Variants in ANKMY2 observed in about 807,000 individuals in gnomAD.
ANKMY2 encodes ankyrin repeat and MYND domain containing 2.
ANKMY2 carries 36 observed loss-of-function variants against 50.4 expected under a neutral mutation model. The ratio of observed to expected loss-of-function variants is 0.71; its 90% CI spans 0.55 to 0.94. The LOEUF is 0.94. Among genes scored for constraint, ANKMY2 ranks in the 40% least tolerant of loss-of-function variants. The pLI, the probability that ANKMY2 is intolerant of heterozygous loss-of-function variation, is 0.00. For missense variants in ANKMY2, 565 were observed against 524.0 expected, an observed-to-expected ratio of 1.08 and a Z score of -0.76; for synonymous variants, 187 against 178.8, an observed-to-expected ratio of 1.05 and a Z score of -0.36.
chr7:16,636,164 G>T lies in ANKMY2; in HGVS notation c.132+227C>A, dbSNP rs1344536950. On this transcript the variant is annotated intron_variant, in intron 2 of 9. Transcript: ENST00000306999. ...CTAAAAATAGAAAAATTACTCAGGA[G>T]TGGTGGTGGGTGACTGTAATCCCAG... Among the ~76,000 whole-genome samples, 5 of 151,768 alleles carry T rather than the reference G, an allele frequency of 3.3e-5. No individual in the cohort carries two copies. The East Asian group carries it at 9.7e-4, about 29-fold the overall frequency.
rs751489705 is a variant in ANKMY2 at position 16,645,533 on chromosome 7, T to C, written c.41A>G (p.Lys14Arg). The change falls in exon 1 of 10, where the codon AAG becomes AGG. Residue 14 changes from lysine (K) to arginine (R), a missense_variant. Transcript: ENST00000306999. Reference sequence around the variant, plus strand: ...TTTCCCGATGACTTCCAGTAGCTCCTTCTCCTCCTGGGTCAGCTCGCCTTT... The same window carrying C: ...TTTCCCGATGACTTCCAGTAGCTCCCTCTCCTCCTGGGTCAGCTCGCCTTT... ...IKKGELTQEE[K>R]ELLEVIGKGT... is the part of the protein sequence containing the mutation. The C allele has an allele frequency of 2.5e-6, 4 of 1,612,090 alleles. No homozygotes were observed. Among genetic ancestry groups the C allele is most frequent in the Non-Finnish European group, 3.4e-6 (4 of 1,179,010 alleles).
intron 2 of ANKMY2, among the ~76,000 whole-genome samples, chr7:16,628,806 A>C (rs1781540257): frequency 6.6e-6 from 1 of 152,134 alleles, no homozygotes; most frequent in Non-Finnish European, 1.5e-5. Flanking sequence ...CTGTTTATCC[A>C]GAACAGGTGG....
Position 16,604,799 on chromosome 7 carries a change from C to A in ANKMY2, c.933G>T (p.Gln311His). ...FSVLTQAITG[Q>H]VGFVDVEFCT... ...AAAATTCCACATCCACAAAACCCACCTGGCCAGTGATGGCTTGGGTAAGGA... is the reference window on the plus strand; with the variant it reads ...AAAATTCCACATCCACAAAACCCACATGGCCAGTGATGGCTTGGGTAAGGA... Residue 311 changes from glutamine (Q) to histidine (H), a missense_variant, in exon 8 of 10, where the codon CAG becomes CAT. Transcript: ENST00000306999. 6.2e-7 allele frequency: 1 copy of A among 1,614,088 alleles called. No individual in the cohort carries two copies. The highest frequency in any genetic ancestry group is 8.5e-7 in the Non-Finnish European group (1 of 1,179,970).
At chr7:16,607,608 C>A (rs886800189) in intron 7 of ANKMY2, among the ~76,000 whole-genome samples, 3 of 150,880 alleles carry the variant, frequency 2.0e-5, no homozygotes, top group Non-Finnish European at 4.4e-5. Flanking sequence ...TCTATAAACT[C>A]TAATTACATT....
chr7:16,630,738 T>C (rs532744246), intron 2 of ANKMY2, among the ~76,000 whole-genome samples: 1 of 152,224 alleles, frequency 6.6e-6, no homozygotes, highest in East Asian at 1.9e-4. Flanking sequence ...AAAATAACAT[T>C]AAGCAAAGGA....
rs1436822864 is a variant in ANKMY2, at chr7:16,599,918, T to C, written c.*843A>G. Reference sequence around the variant, plus strand: ...GACGCCAGGACATTCTCTAAATGAGTTACAAATCAGTTTCTGGAAAGGAAG... The same window carrying C: ...GACGCCAGGACATTCTCTAAATGAGCTACAAATCAGTTTCTGGAAAGGAAG... On this transcript the variant is annotated 3_prime_UTR_variant, in exon 10 of 10. Coordinates refer to ENST00000306999, the MANE Select transcript of ANKMY2 (RefSeq NM_020319.3). 2.6e-5 allele frequency: 4 copies of C among 152,186 alleles called. No individual in the cohort carries two copies. Among genetic ancestry groups the C allele is most frequent in the Admixed American group, 6.5e-5 (1 of 15,276 alleles). 9.4% of individuals were successfully genotyped at this position (152,186 alleles called of 1,614,324 possible). A position where few individuals can be genotyped will look rare whatever the true frequency, so the allele number is the denominator to read the frequency against.
At chr7:16,621,054 G>A (rs1180085143) in intron 4 of ANKMY2, among the ~76,000 whole-genome samples, 2 of 152,032 alleles carry the variant, frequency 1.3e-5, no homozygotes, top group African/African-American at 4.8e-5. Context: ...TTGGCCCGAA[G>A]CAAATTCAAA....
rs1342245689 is a variant in ANKMY2 at position 16,627,062 on chromosome 7, G to A, written c.249C>T (p.Ala83=). ...CACCAGAAAGTGCAGCAAACATGAG[G>A]GCTGTGTATCCATGTTCATGCTGAT... ...NCHQHEHGYT[A]LMFAALSGNK... is the part of the protein sequence containing the mutation. Residue 83 remains alanine (A), a synonymous_variant, in exon 3 of 10, where the codon GCC becomes GCT. Coordinates refer to ENST00000306999, the MANE Select transcript of ANKMY2 (RefSeq NM_020319.3). 4 of 1,606,646 alleles carry A rather than the reference G, an allele frequency of 2.5e-6. No individual in the cohort carries two copies. Among genetic ancestry groups the A allele is most frequent in the Admixed American group, 1.7e-5 (1 of 58,578 alleles).
chr7:16,630,963 C>T (rs1781574071), intron 2 of ANKMY2, among the ~76,000 whole-genome samples: 1 of 152,208 alleles, frequency 6.6e-6, no homozygotes, highest in Non-Finnish European at 1.5e-5. Context: ...AGTCTGTCTG[C>T]AGCCCACTCA....
intron 1 of ANKMY2, among the ~76,000 whole-genome samples, chr7:16,641,094 C>T (rs371877446): frequency 1.2e-4 from 18 of 152,102 alleles, no homozygotes; most frequent in East Asian, 1.2e-3. Flanking sequence ...ATTAGCCGGG[C>T]GCGGTGGTGC....
At chr7:16,626,905 C>G (rs1781514152) in intron 3 of ANKMY2, 135 bp downstream of exon 3, 2 of 681,156 alleles carry the variant, frequency 2.9e-6, no homozygotes, top group Non-Finnish European at 4.3e-6. Flanking sequence ...TTTTCAAAAA[C>G]CAATTGCCAT....
rs143782959 is a variant in ANKMY2 at position 16,616,828 on chromosome 7, C to A, written c.371-924G>T. Among the ~76,000 whole-genome samples, 44 of 152,342 alleles carry A rather than the reference C, an allele frequency of 2.9e-4. No individual in the cohort carries two copies. The East Asian group carries it at 8.5e-3, about 30-fold the overall frequency. On this transcript the variant is annotated intron_variant, in intron 4 of 9. Coordinates refer to ENST00000306999, the MANE Select transcript of ANKMY2 (RefSeq NM_020319.3). ...CCCTGGGTAGCCTGCATGGCCCCTG[C>A]CTGCTTGTGCTTGGTCCTGGGAGCG...
At chr7:16,616,580 CT>C (rs981518524) in intron 4 of ANKMY2, among the ~76,000 whole-genome samples, 5 of 149,774 alleles carry the variant, frequency 3.3e-5, no homozygotes, top group African/African-American at 7.4e-5. Context: ...GCGCCCCCCC[CT>C]CCCTAGCTCC....
chr7:16,623,796 T>C (rs767381749), intron 4 of ANKMY2, among the ~76,000 whole-genome samples: 2 of 152,216 alleles, frequency 1.3e-5, no homozygotes, highest in East Asian at 1.9e-4. Flanking sequence ...CACAAGGCCA[T>C]ACCTTTCTCA....
intron 8 of ANKMY2, 46 bp downstream of exon 8, chr7:16,604,675 G>A (rs746032254): frequency 2.3e-5 from 36 of 1,588,620 alleles, no homozygotes; most frequent in Admixed American, 1.6e-4. Context: ...CAGCTTGGCT[G>A]CATCTAAACC....
At chr7:16,620,215 G>A (rs1278350570) in intron 4 of ANKMY2, among the ~76,000 whole-genome samples, 3 of 152,222 alleles carry the variant, frequency 2.0e-5, no homozygotes, top group Non-Finnish European at 2.9e-5. Context: ...AGAGAGGACA[G>A]TAAGAGAGTG....
chr7:16,617,498 T>C (rs1343357136), intron 4 of ANKMY2, among the ~76,000 whole-genome samples: 2 of 152,176 alleles, frequency 1.3e-5, no homozygotes, highest in Non-Finnish European at 2.9e-5. Context: ...AGTGTGTGGG[T>C]AACATTTACC....
chr7:16,634,536 T>G (rs1781630417), intron 2 of ANKMY2, among the ~76,000 whole-genome samples: 1 of 152,170 alleles, frequency 6.6e-6, no homozygotes, highest in Non-Finnish European at 1.5e-5. Context: ...AAGGGAATTC[T>G]AAAGATCTGC....
At chr7:16,608,410 C>T (rs1781194045) in intron 7 of ANKMY2, among the ~76,000 whole-genome samples, 1 of 152,128 alleles carries the variant, frequency 6.6e-6, no homozygotes. Context: ...ATGAGATGGT[C>T]TTTTCTGCTC....
Sources: allele counts gnomAD v4.1 joint callset (sites outside exome capture counted in the v4.1 genomes callset), GRCh38; gene constraint gnomAD v4.1.1; transcripts MANE v1.5; gene names NCBI Gene and HGNC (gene_info 2026-07-23, HGNC 2026-07-21).